The following LRMDA variants were observed in gnomAD, a reference collection of about 807,000 sequenced individuals.
LRMDA encodes leucine rich melanocyte differentiation associated, also known as leucine-rich melanocyte differentiation-associated protein.
A neutral mutation model predicts 29.8 loss-of-function variants in LRMDA; 18 were observed. That is an observed-to-expected ratio of 0.60 (90% CI 0.42 to 0.90). The LOEUF is 0.90. LRMDA is among the 40% of genes least tolerant of loss of function. The pLI, the probability that LRMDA is intolerant of heterozygous loss-of-function variation, is 0.00. For synonymous variants in LRMDA, 125 were observed against 109.4 expected (o/e 1.14, Z -0.89); for missense variants, 273 against 273.9 (o/e 1.00, Z 0.02).
At chr10:75,979,279 C>T (rs975727601) in intron 2 of LRMDA, among the ~76,000 whole-genome samples, 11 of 152,058 alleles carry the variant, frequency 7.2e-5, no homozygotes, top group Admixed American at 2.0e-4. Context: ...GTGGTACATG[C>T]GTGACTGAAA....
At chr10:76,093,107 G>A (rs1256642332) in intron 5 of LRMDA, among the ~76,000 whole-genome samples, 6 of 151,966 alleles carry the variant, frequency 3.9e-5, no homozygotes, top group African/African-American at 9.7e-5. Flanking sequence ...ACATGATCTC[G>A]GTTCACTGCA....
chr10:75,491,747 G>A (rs1423486055), intron 2 of LRMDA, among the ~76,000 whole-genome samples: 1 of 152,134 alleles, frequency 6.6e-6, no homozygotes, highest in Non-Finnish European at 1.5e-5. Context: ...GGTCTTGACT[G>A]GTTTGAGAAT....
At chr10:76,425,354 T>C (rs1394272003) in intron 6 of LRMDA, among the ~76,000 whole-genome samples, 1 of 151,066 alleles carries the variant, frequency 6.6e-6, no homozygotes, top group Non-Finnish European at 1.5e-5. Flanking sequence ...ATTTTTTTTC[T>C]TTTTTTTTCT....
intron 6 of LRMDA, among the ~76,000 whole-genome samples, chr10:76,506,598 A>C (rs1342037211): frequency 6.6e-6 from 1 of 152,066 alleles, no homozygotes; most frequent in African/African-American, 2.4e-5. Context: ...TTTTGTAGCT[A>C]TCAACCAACT....
chr10:76,322,145 C>A (rs149474324), intron 5 of LRMDA, among the ~76,000 whole-genome samples: 129 of 152,252 alleles, frequency 8.5e-4, no homozygotes, highest in Middle Eastern at 3.4e-3. Context: ...AAGGCAAGTT[C>A]TTTATTCTTT....
At chr10:75,693,579 A>C (rs1196178878) in intron 2 of LRMDA, among the ~76,000 whole-genome samples, 2 of 152,224 alleles carry the variant, frequency 1.3e-5, no homozygotes, top group African/African-American at 2.4e-5. Flanking sequence ...TCTATCTACG[A>C]CAAGATTTGA....
At chr10:76,112,787 G>T (rs1003821755) in intron 5 of LRMDA, among the ~76,000 whole-genome samples, 1 of 139,764 alleles carries the variant, frequency 7.2e-6, no homozygotes, top group African/African-American at 2.7e-5. Flanking sequence ...TAGCCTGAGG[G>T]TGCTGTTGAC....
chr10:76,280,299 G>A (rs1840186722), intron 5 of LRMDA, among the ~76,000 whole-genome samples: 1 of 152,160 alleles, frequency 6.6e-6, no homozygotes, highest in Non-Finnish European at 1.5e-5. Flanking sequence ...GCACAGCTAG[G>A]TATGATTCTC....
At chr10:75,993,522 C>T (rs1847407157) in intron 2 of LRMDA, among the ~76,000 whole-genome samples, 1 of 152,156 alleles carries the variant, frequency 6.6e-6, no homozygotes, top group Admixed American at 6.5e-5. Flanking sequence ...CACTTGAGGT[C>T]AGCAGTTCAA....
chr10:75,506,740 T>C (rs931892885), intron 2 of LRMDA, among the ~76,000 whole-genome samples: 7 of 152,264 alleles, frequency 4.6e-5, no homozygotes, highest in Admixed American at 3.3e-4. Flanking sequence ...TTGATTTCAC[T>C]GACTGCTATG....
chr10:75,985,320 G>T (rs902159614), intron 2 of LRMDA, among the ~76,000 whole-genome samples: 1 of 152,148 alleles, frequency 6.6e-6, no homozygotes, highest in Non-Finnish European at 1.5e-5. Context: ...ATTAGCATAA[G>T]CAAAAAGGAA....
At chr10:76,147,206 T>G (rs1850341949) in intron 5 of LRMDA, among the ~76,000 whole-genome samples, 1 of 152,224 alleles carries the variant, frequency 6.6e-6, no homozygotes, top group African/African-American at 2.4e-5. Context: ...GCGTTCTCTG[T>G]ATTTCCTGAA....
intron 5 of LRMDA, among the ~76,000 whole-genome samples, chr10:76,176,704 A>G (rs1850942965): frequency 4.6e-5 from 7 of 152,130 alleles, no homozygotes; most frequent in Admixed American, 4.6e-4. Context: ...GGGGCAGGAG[A>G]ATTGCTTGAA....
intron 5 of LRMDA, among the ~76,000 whole-genome samples, chr10:76,316,456 G>C (rs1450860782): frequency 2.6e-5 from 4 of 152,214 alleles, no homozygotes; most frequent in African/African-American, 9.6e-5. Context: ...ACCCTTGACA[G>C]ATGTGGGATC....
chr10:75,513,313 C>T (rs183325210), intron 2 of LRMDA, among the ~76,000 whole-genome samples: 10 of 152,270 alleles, frequency 6.6e-5, no homozygotes, highest in Admixed American at 3.9e-4. Flanking sequence ...CGCTTTCTTG[C>T]GTGCGTGTTG....
At chr10:76,557,102 C>A in intron 6 of LRMDA, 107 bp from the exon 7 acceptor site, 2 of 848,780 alleles carry the variant, frequency 2.4e-6, no homozygotes, top group Non-Finnish European at 4.0e-6. Context: ...CCACTTTCTG[C>A]TGCCCATTGG....
chr10:75,472,630 G>A (rs1259675606), intron 2 of LRMDA, among the ~76,000 whole-genome samples: 1 of 152,180 alleles, frequency 6.6e-6, no homozygotes, highest in African/African-American at 2.4e-5. Context: ...TTCCTTTATG[G>A]GGATGAAAAT....
intron 5 of LRMDA, among the ~76,000 whole-genome samples, chr10:76,081,767 G>A (rs1389262780): frequency 1.3e-5 from 2 of 152,112 alleles, no homozygotes; most frequent in Non-Finnish European, 1.5e-5. Flanking sequence ...TATATAAAAT[G>A]TGTGTATGTA....
At chr10:75,659,166 A>G (rs990160652) in intron 2 of LRMDA, among the ~76,000 whole-genome samples, 1 of 152,236 alleles carries the variant, frequency 6.6e-6, no homozygotes, top group African/African-American at 2.4e-5. Flanking sequence ...GGCAAGAGTC[A>G]TCCAGGTGTG....
Sources: allele counts gnomAD v4.1 joint callset (sites outside exome capture counted in the v4.1 genomes callset), GRCh38; gene constraint gnomAD v4.1.1; transcripts MANE v1.5; gene names NCBI Gene and HGNC (gene_info 2026-07-23, HGNC 2026-07-21).